The following ZNF738 variants were observed in gnomAD, a reference collection of about 807,000 sequenced individuals.
ZNF738 encodes the protein protein ZNF738.
ZNF738 carries 10 observed loss-of-function variants against 9.2 expected under a neutral mutation model. The ratio of observed to expected loss-of-function variants is 1.09; its 90% CI spans 0.67 to 1.85. The LOEUF (loss-of-function observed/expected upper bound fraction) is 1.85. Among genes scored for constraint, ZNF738 ranks in the 40% most tolerant of loss-of-function variants. The pLI is 0.00. For missense variants in ZNF738, 346 were observed against 283.6 expected, an observed-to-expected ratio of 1.22 and a Z score of -1.58; for synonymous variants, 113 against 94.5, an observed-to-expected ratio of 1.20 and a Z score of -1.14.
chr19:21,386,533 C>A lies in ZNF738; in HGVS notation c.*2859C>A. 2 of 376,496 alleles carry A rather than the reference C, an allele frequency of 5.3e-6. No homozygotes were observed. Among genetic ancestry groups the A allele is most frequent in the East Asian group, 6.9e-5 (1 of 14,594 alleles). The allele number at this position is 376,496 out of a possible 1,614,324, so 23.3% of individuals were successfully genotyped here. ...TGAAGAATGTGGCAAAGCTTTTAAC[C>A]AGTCCTACAAACCTTTTTGAACAAA... On this transcript the variant is annotated 3_prime_UTR_variant, in exon 5 of 5. Coordinates refer to ENST00000683779, the MANE Select transcript of ZNF738 (RefSeq NM_001355237.2).
chr19:21,381,169 A>G, intron 4 of ZNF738: 1 of 1,118,804 alleles, frequency 8.9e-7, no homozygotes, highest in Non-Finnish European at 1.3e-6. Flanking sequence ...AGTGAGCACC[A>G]AGGCTTCCAG....
chr19:21,362,488 G>A (rs1321622574), intron 2 of ZNF738, among the ~76,000 whole-genome samples: 1 of 152,088 alleles, frequency 6.6e-6, no homozygotes, highest in Non-Finnish European at 1.5e-5. Context: ...AGCAGGAGTG[G>A]GTGGAAGGAT....
intron 4 of ZNF738, chr19:21,377,617 C>T: frequency 2.1e-6 from 1 of 470,350 alleles, no homozygotes; most frequent in East Asian, 3.3e-5. Context: ...ACTTAAAGTA[C>T]TTTATGTAAG....
In ZNF738 at chr19:21,384,898, T is replaced by A. The variant is rs2145245514; in HGVS notation, c.*1224T>A. On this transcript the variant is annotated 3_prime_UTR_variant, in exon 5 of 5. Transcript: ENST00000683779. ...TCAACCCTTACTATACATAAGATAA[T>A]TCATATTGGAGAATAACACTACAAA... 6.7e-6 allele frequency among the ~76,000 whole-genome samples: 1 copy of A among 149,064 alleles called. No individual in the cohort carries two copies. The highest frequency in any genetic ancestry group is 2.0e-4 in the East Asian group (1 of 5,068).
chr19:21,359,018 A>C lies in ZNF738; in HGVS notation c.-123A>C, dbSNP rs1973644081. ...CTTCTTTGTCTTTGGCTGCCGCTGG[A>C]ACTCCGGGTCTCGTCTTCACTGCTC... On this transcript the variant is annotated 5_prime_UTR_variant, in exon 1 of 5. Coordinates refer to ENST00000683779, the MANE Select transcript of ZNF738 (RefSeq NM_001355237.2). 3 of 771,054 alleles carry C rather than the reference A, an allele frequency of 3.9e-6. No individual in the cohort carries two copies. The highest frequency in any genetic ancestry group is 7.1e-6 in the Non-Finnish European group (3 of 420,744). 47.8% of individuals were successfully genotyped at this position (771,054 alleles called of 1,614,324 possible). A position where few individuals can be genotyped will look rare whatever the true frequency, so the allele number is the denominator to read the frequency against.
chr19:21,383,105 A>G lies in ZNF738; in HGVS notation c.559A>G (p.Lys187Glu). The change falls in exon 5 of 5, where the codon AAA becomes GAA. Residue 187 changes from lysine (K) to glutamate (E), a missense_variant. Lys to Glu is a moderately conservative substitution (Grantham distance 56). Coordinates refer to ENST00000683779, the MANE Select transcript of ZNF738 (RefSeq NM_001355237.2). ...QCDKYVKVFH[K>E]FLNSNTHKTR... ...TGATAAATATGTGAAAGTCTTTCAT[A>G]AATTTTTAAATTCAAATACACATAA... 1 of 1,497,078 alleles carries G rather than the reference A, an allele frequency of 6.7e-7. No individual in the cohort carries two copies. The highest frequency in any genetic ancestry group is 9.3e-7 in the Non-Finnish European group (1 of 1,078,662). The allele number at this position is 1,497,078 out of a possible 1,614,324, so 92.7% of individuals were successfully genotyped here.
At chr19:21,372,874 A>T (rs930437948) in intron 2 of ZNF738, 3 of 152,236 alleles carry the variant, frequency 2.0e-5, no homozygotes, top group African/African-American at 7.2e-5. Context: ...ACTTATTTAG[A>T]CATTGCTGCC....
intron 1 of ZNF738, among the ~76,000 whole-genome samples, chr19:21,361,027 T>C (rs1414872597): frequency 1.3e-5 from 2 of 151,846 alleles, no homozygotes; most frequent in East Asian, 3.9e-4. Context: ...TTGGTCAGGC[T>C]GGTCATGAAC....
rs1974063421 is a variant in ZNF738, at chr19:21,386,028, A to G, written c.*2354A>G. The stretch of plus-strand genomic sequence containing the variant: ...GAGAAACCCTACAAATATGAAGAAT[A>G]TCTCAAAACTTTTTATAGATTCTCA... On this transcript the variant is annotated 3_prime_UTR_variant, in exon 5 of 5. Coordinates refer to ENST00000683779, the MANE Select transcript of ZNF738 (RefSeq NM_001355237.2). Among the ~76,000 whole-genome samples the G allele has an allele frequency of 6.6e-6, 1 of 152,194 alleles. No individual in the cohort carries two copies. Among genetic ancestry groups the G allele is most frequent in the Non-Finnish European group, 1.5e-5 (1 of 68,040 alleles).
chr19:21,378,159 A>T lies in ZNF738; in HGVS notation c.319+2195A>T, dbSNP rs185426515. 879 of 382,338 alleles carry T rather than the reference A, an allele frequency of 2.3e-3. 8 individuals carry two copies. The highest frequency in any genetic ancestry group is 2.3e-3 in the Non-Finnish European group (494 of 216,706). The allele number at this position is 382,338 out of a possible 1,614,324, so 23.7% of individuals were successfully genotyped here. ...AGATTTGTTCTTGATGTTGCTAATT[A>T]TATTTTTATATGTATATTTATTAAC... On this transcript the variant is annotated intron_variant, in intron 4 of 4. Coordinates refer to ENST00000683779, the MANE Select transcript of ZNF738 (RefSeq NM_001355237.2).
intron 2 of ZNF738, among the ~76,000 whole-genome samples, chr19:21,364,912 A>ATTTTTT (rs71176864): frequency 4.0e-5 from 4 of 99,246 alleles, no homozygotes; most frequent in African/African-American, 7.7e-5. Context: ...TACCCAGCTA[A>ATTTTTT]TTTTTTTTTT....
chr19:21,377,844 G>A (rs1375528128), intron 4 of ZNF738: 3 of 375,020 alleles, frequency 8.0e-6, no homozygotes, highest in Non-Finnish European at 1.4e-5. Context: ...TATGTCTCTT[G>A]ATTGGAAAGT....
chr19:21,378,212 T>A, intron 4 of ZNF738: 1 of 353,346 alleles, frequency 2.8e-6, no homozygotes. Context: ...TATGCCTTTA[T>A]CTTTCAAATT....
chr19:21,365,437 G>A (rs1973763125), intron 2 of ZNF738, among the ~76,000 whole-genome samples: 1 of 151,732 alleles, frequency 6.6e-6, no homozygotes. Context: ...TCCCTCTTTT[G>A]TACAAAAAAA....
chr19:21,359,966 A>G (rs144980766), intron 1 of ZNF738, among the ~76,000 whole-genome samples: 2 of 152,342 alleles, frequency 1.3e-5, no homozygotes, highest in East Asian at 3.9e-4. Context: ...TTTGTGGTCT[A>G]TGGGAGAGGC....
In ZNF738 at chr19:21,383,854, T is replaced by C. The variant is rs1323503998; in HGVS notation, c.*180T>C. ...AAATGTGGAGAATGTGGCAAAGCTT[T>C]CTTCAGATTCTCATACCTTACTACA... is the stretch of plus-strand genomic sequence containing the variant. On this transcript the variant is annotated 3_prime_UTR_variant, in exon 5 of 5. Transcript: ENST00000683779. The C allele has an allele frequency of 7.4e-7, 1 of 1,356,112 alleles. No individual in the cohort carries two copies. Among genetic ancestry groups the C allele is most frequent in the Admixed American group, 1.7e-5 (1 of 58,840 alleles). 84.0% of individuals were successfully genotyped at this position (1,356,112 alleles called of 1,614,324 possible). A position where few individuals can be genotyped will look rare whatever the true frequency, so the allele number is the denominator to read the frequency against.
Position 21,383,552 on chromosome 19 carries a change from A to G in ZNF738, c.1006A>G (p.Ile336Val). 9.8e-7 allele frequency: 1 copy of G among 1,018,394 alleles called. No individual in the cohort carries two copies. The highest frequency in any genetic ancestry group is 1.5e-6 in the Non-Finnish European group (1 of 654,436). The allele number at this position is 1,018,394 out of a possible 1,614,324, so 63.1% of individuals were successfully genotyped here. ...CQFSYLTKHK[I>V]IHTGEKPYKC... ...ATTCTCATACCTTACTAAACATAAG[A>G]TAATTCATACTGGAGAGAAACCCTA... Residue 336 changes from isoleucine to valine, a missense_variant, in exon 5 of 5, where the codon ATA becomes GTA. Physicochemically the swap from Ile to Val is conservative, Grantham distance 29. Coordinates refer to ENST00000683779, the MANE Select transcript of ZNF738 (RefSeq NM_001355237.2).
At chr19:21,376,425 T>C (rs1160284489) in intron 4 of ZNF738, 1 of 152,708 alleles carries the variant, frequency 6.5e-6, no homozygotes, top group African/African-American at 2.4e-5. Flanking sequence ...TTCTGCACAT[T>C]CCATCTTTTT....
At position 21,386,317 on chromosome 19, in the gene ZNF738, ATAAT is replaced by A. The variant is rs1423276875; in HGVS notation, c.*2648_*2651del. 7 of 300,332 alleles carry A rather than the reference ATAAT, an allele frequency of 2.3e-5. No individual in the cohort carries two copies. The highest frequency in any genetic ancestry group is 1.7e-4 in the East Asian group (2 of 11,564). 18.6% of individuals were successfully genotyped at this position (300,332 alleles called of 1,614,324 possible). On this transcript the variant is annotated 3_prime_UTR_variant, in exon 5 of 5. Transcript: ENST00000683779. ...ATCCTCAACCCTTACTACACATAAG[ATAAT>A]TAATGCTGGAGGGAAATCCCACCCA...
Sources: gnomAD v4.1 joint callset for allele counts (sites outside exome capture counted in the v4.1 genomes callset) on GRCh38, gnomAD v4.1.1 for gene constraint, MANE v1.5 for transcripts, NCBI Gene and HGNC (gene_info 2026-07-23, HGNC 2026-07-21) for gene names.